The following FAM107B variants were observed in gnomAD, a reference collection of about 807,000 sequenced individuals.
FAM107B encodes the protein family with sequence similarity 107 member B, also known as protein FAM107B.
In FAM107B, 21 loss-of-function variants were observed where a neutral mutation model predicts 31.5. The ratio of observed to expected loss-of-function variants is 0.67; its 90% CI spans 0.47 to 0.96. The LOEUF is 0.96. FAM107B is among the 40% of genes least tolerant of loss of function. The probability of loss-of-function intolerance (pLI) is 0.00; values close to 1 mark genes in which losing one functional copy is unlikely to be tolerated. For synonymous variants in FAM107B, 157 were observed against 141.5 expected, an observed-to-expected ratio of 1.11 and a Z score of -0.78; for missense variants, 452 against 377.1, an observed-to-expected ratio of 1.20 and a Z score of -1.64.
chr10:14,660,801 C>T (rs533325324), intron 2 of FAM107B, among the ~76,000 whole-genome samples: 1 of 152,116 alleles, frequency 6.6e-6, no homozygotes, highest in South Asian at 2.1e-4. Context: ...GGCAGAGCAA[C>T]CCATAGAAGG....
At position 14,774,848 on chromosome 10, in the gene FAM107B, G is replaced by A. The variant is rs569654987; in HGVS notation, c.-185C>T. On this transcript the variant is annotated 5_prime_UTR_variant, in exon 1 of 5. Transcript: ENST00000181796. ...TCCCTGAGAGTCACTTAGCCGCTGG[G>A]GCCCCTTTGAAAGTGTCCATCCTGG... The A allele has an allele frequency of 1.5e-6, 1 of 656,142 alleles. No homozygotes were observed. Among genetic ancestry groups the A allele is most frequent in the Non-Finnish European group, 2.5e-6 (1 of 392,814 alleles). 40.6% of individuals were successfully genotyped at this position (656,142 alleles called of 1,614,324 possible).
chr10:14,675,449 C>T (rs936319279), intron 1 of FAM107B, among the ~76,000 whole-genome samples: 6 of 152,130 alleles, frequency 3.9e-5, no homozygotes, highest in African/African-American at 1.4e-4. Flanking sequence ...CAGTAGCTTT[C>T]TGCTCCATTA....
intron 1 of FAM107B, among the ~76,000 whole-genome samples, chr10:14,706,312 T>C (rs1482777319): frequency 6.6e-6 from 1 of 152,180 alleles, no homozygotes; most frequent in Non-Finnish European, 1.5e-5. Context: ...AATTGTTTTT[T>C]TTTTAAGACA....
chr10:14,649,539 A>G (rs1240307817), intron 2 of FAM107B, among the ~76,000 whole-genome samples: 1 of 151,996 alleles, frequency 6.6e-6, no homozygotes, highest in Non-Finnish European at 1.5e-5. Context: ...TAACCCAGAC[A>G]CTCCCTTCTA....
chr10:14,678,946 T>C (rs1273790131), intron 1 of FAM107B, among the ~76,000 whole-genome samples: 2 of 152,054 alleles, frequency 1.3e-5, no homozygotes, highest in South Asian at 2.1e-4. Flanking sequence ...GATACAACTA[T>C]TGTGAAAAGT....
At chr10:14,712,550 C>T (rs1045777691) in intron 1 of FAM107B, among the ~76,000 whole-genome samples, 4 of 151,308 alleles carry the variant, frequency 2.6e-5, no homozygotes, top group Admixed American at 6.6e-5. Context: ...GCCCAGATCG[C>T]GTCACTGCAC....
intron 2 of FAM107B, among the ~76,000 whole-genome samples, chr10:14,615,234 C>T (rs771195969): frequency 1.3e-5 from 2 of 152,062 alleles, no homozygotes; most frequent in Admixed American, 6.5e-5. Flanking sequence ...GAGGCTGAGG[C>T]AGGAGGACCA....
At chr10:14,581,909 A>G (rs1851648849) in intron 2 of FAM107B, among the ~76,000 whole-genome samples, 1 of 152,190 alleles carries the variant, frequency 6.6e-6, no homozygotes, top group Non-Finnish European at 1.5e-5. Flanking sequence ...CCATGTCTCA[A>G]AAAAATAAAA....
intron 1 of FAM107B, among the ~76,000 whole-genome samples, chr10:14,738,452 A>C (rs1250969490): frequency 2.0e-5 from 3 of 152,180 alleles, no homozygotes; most frequent in Non-Finnish European, 4.4e-5. Flanking sequence ...TCCTGACCAC[A>C]GTCTAGGCCC....
chr10:14,672,416 A>C (rs1269178670), intron 1 of FAM107B, among the ~76,000 whole-genome samples: 2 of 152,224 alleles, frequency 1.3e-5, no homozygotes, highest in South Asian at 2.1e-4. Context: ...TGCTTATTAA[A>C]TCAAATGTGA....
intron 1 of FAM107B, among the ~76,000 whole-genome samples, chr10:14,695,704 G>C (rs748306502): frequency 3.9e-5 from 6 of 152,080 alleles, no homozygotes; most frequent in African/African-American, 9.7e-5. Flanking sequence ...CTTTCACCTT[G>C]TTGGTTAAGA....
rs1326251875 is a variant in FAM107B, at chr10:14,729,603, CAATCTTGGGTGCACCAG to C, written c.411+44633_411+44649del. Among the ~76,000 whole-genome samples the C allele has an allele frequency of 1.2e-4, 18 of 152,266 alleles. 1 individual carries two copies. In the South Asian group the frequency reaches 3.7e-3, roughly 32 times the overall value. ...AGCTTCACTGTAGACCCGTGGTTCA[CAATCTTGGGTGCACCAG>C]AATCACCTGAGGAGCTTAAAAATCT... On this transcript the variant is annotated intron_variant, in intron 1 of 4. Coordinates refer to ENST00000181796, the MANE Select transcript of FAM107B (RefSeq NM_031453.4).
At chr10:14,696,305 T>C (rs1463591128) in intron 1 of FAM107B, among the ~76,000 whole-genome samples, 2 of 152,258 alleles carry the variant, frequency 1.3e-5, no homozygotes, top group African/African-American at 2.4e-5. Context: ...GATTTGCATA[T>C]GTTAAAACCA....
At chr10:14,670,906 G>A (rs1854524078) in intron 1 of FAM107B, among the ~76,000 whole-genome samples, 1 of 152,234 alleles carries the variant, frequency 6.6e-6, no homozygotes, top group Admixed American at 6.5e-5. Flanking sequence ...CTTCTCTTCA[G>A]CGCAAGTCTG....
At chr10:14,534,530 C>G (rs1030281538) in intron 2 of FAM107B, among the ~76,000 whole-genome samples, 1 of 152,198 alleles carries the variant, frequency 6.6e-6, no homozygotes, top group Admixed American at 6.5e-5. Flanking sequence ...ATCTTCCGAT[C>G]AAGCTGAAAC....
At chr10:14,769,869 T>A (rs1833261713) in intron 1 of FAM107B, among the ~76,000 whole-genome samples, 1 of 152,176 alleles carries the variant, frequency 6.6e-6, no homozygotes. Flanking sequence ...GTGTGTGAAC[T>A]CTCCCTTTCT....
intron 1 of FAM107B, chr10:14,723,154 A>C (rs1340786175): frequency 2.1e-6 from 1 of 480,994 alleles, no homozygotes; most frequent in African/African-American, 2.0e-5. Context: ...CTTAAGAGCC[A>C]GTACAAGAAC....
intron 2 of FAM107B, among the ~76,000 whole-genome samples, chr10:14,545,511 CA>C (rs1456567161): frequency 1.3e-5 from 2 of 152,132 alleles, no homozygotes; most frequent in Admixed American, 1.3e-4. Context: ...CACACATAAG[CA>C]AAAACTTGAA....
chr10:14,610,115 G>C (rs550238588), intron 2 of FAM107B, among the ~76,000 whole-genome samples: 1 of 152,146 alleles, frequency 6.6e-6, no homozygotes, highest in African/African-American at 2.4e-5. Flanking sequence ...AGGCCGAGGC[G>C]GGTGGATCAC....
Sources: allele counts gnomAD v4.1 joint callset (sites outside exome capture counted in the v4.1 genomes callset), GRCh38; gene constraint gnomAD v4.1.1; transcripts MANE v1.5; gene names NCBI Gene and HGNC (gene_info 2026-07-23, HGNC 2026-07-21).